The following AGO1 variants were observed in gnomAD, a reference collection of about 807,000 sequenced individuals.
AGO1 encodes argonaute RISC component 1.
In AGO1, 11 loss-of-function variants were observed where a neutral mutation model predicts 109.2. The ratio of observed to expected loss-of-function variants is 0.10; its 90% CI spans 0.06 to 0.17. AGO1 has a LOEUF of 0.17. AGO1 is among the 10% of genes least tolerant of loss of function. The pLI is 1.00. For missense variants in AGO1, 574 were observed against 1,140.3 expected (o/e 0.50, Z 7.15); for synonymous variants, 422 against 418.6 (o/e 1.01, Z -0.10).
intron 8 of AGO1, among the ~76,000 whole-genome samples, chr1:35,897,479 A>G (rs896839978): frequency 1.3e-5 from 2 of 152,218 alleles, no homozygotes; most frequent in Non-Finnish European, 2.9e-5. Flanking sequence ...CAGAGGGTCA[A>G]ATAATATAGC....
At chr1:35,902,162 T>C (rs200672514) in intron 10 of AGO1, 42 bp from the exon 11 acceptor site, 176 of 1,599,884 alleles carry the variant, frequency 1.1e-4, no homozygotes, top group Non-Finnish European at 1.4e-4. Flanking sequence ...CCCACCTGAC[T>C]CTACTGAGGC....
rs953916295 is a variant in AGO1 at position 35,919,729 on chromosome 1, T to C, written c.*122T>C. The C allele has an allele frequency of 5.9e-6, 5 of 848,216 alleles. No homozygotes were observed. Among genetic ancestry groups the C allele is most frequent in the Admixed American group, 2.6e-5 (1 of 39,074 alleles). 52.5% of individuals were successfully genotyped at this position (848,216 alleles called of 1,614,324 possible). ...GGGTAGGGAGGAGTGTAGGATGCCT[T>C]GTTTCCTTCTATAGAGGTGGTGTAA... On this transcript the variant is annotated 3_prime_UTR_variant, in exon 19 of 19. Transcript: ENST00000373204. The surrounding 1 kb of genome is among the most constrained non-coding windows in gnomAD (Gnocchi z 6.6).
intron 1 of AGO1, among the ~76,000 whole-genome samples, chr1:35,887,574 T>G (rs1204155159): frequency 1.3e-5 from 2 of 152,190 alleles, no homozygotes; most frequent in Non-Finnish European, 2.9e-5. Flanking sequence ...GAGAATCTTG[T>G]GTTCTTCCCA....
In AGO1 at chr1:35,919,966, T is replaced by A. The variant is rs1343689135; in HGVS notation, c.*359T>A. 5.0e-6 allele frequency: 1 copy of A among 198,176 alleles called. No homozygotes were observed. The highest frequency in any genetic ancestry group is 1.0e-5 in the Non-Finnish European group (1 of 97,156). The allele number at this position is 198,176 out of a possible 1,614,324, so 12.3% of individuals were successfully genotyped here. A position where few individuals can be genotyped will look rare whatever the true frequency, so the allele number is the denominator to read the frequency against. On this transcript the variant is annotated 3_prime_UTR_variant, in exon 19 of 19. Coordinates refer to ENST00000373204, the MANE Select transcript of AGO1 (RefSeq NM_012199.5). The surrounding 1 kb of genome is among the most constrained non-coding windows in gnomAD (Gnocchi z 6.6). ...TGACAGCTTGGTAAGGTCAACTCTG[T>A]AGCCCTGCAGACAAAAGCTGGTTAG... is the stretch of plus-strand genomic sequence containing the variant.
chr1:35,881,197 A>G (rs1475131237), upstream of AGO1, among the ~76,000 whole-genome samples: 1 of 152,244 alleles, frequency 6.6e-6, no homozygotes. Context: ...CATAGTCCCC[A>G]GATCGGCAGC....
In AGO1 at chr1:35,919,170, C is replaced by G; in HGVS notation, c.2381C>G (p.Ser794Cys). 1 of 1,614,202 alleles carries G rather than the reference C, an allele frequency of 6.2e-7. No individual in the cohort carries two copies. Among genetic ancestry groups the G allele is most frequent in the Non-Finnish European group, 8.5e-7 (1 of 1,180,036 alleles). Reference protein sequence around the residue: ...LCHTYVRCTRSVSIPAPAYYA... With the variant: ...LCHTYVRCTRCVSIPAPAYYA... The stretch of plus-strand genomic sequence containing the variant: ...CACACTTACGTACGATGCACACGCT[C>G]TGTCTCTATCCCAGCACCTGCCTAC... The change falls in exon 18 of 19, where the codon TCT becomes TGT. Residue 794 changes from serine to cysteine, a missense_variant. By Grantham distance (112) the Ser-to-Cys change is moderately radical. Coordinates refer to ENST00000373204, the MANE Select transcript of AGO1 (RefSeq NM_012199.5). The surrounding 1 kb of genome is among the most constrained non-coding windows in gnomAD (Gnocchi z 6.6).
At position 35,893,625 on chromosome 1, in the gene AGO1, G is replaced by A. The variant is rs760897206; in HGVS notation, c.513-49G>A. On this transcript the variant is annotated intron_variant, in intron 4 of 18. Coordinates refer to ENST00000373204, the MANE Select transcript of AGO1 (RefSeq NM_012199.5). The surrounding 1 kb of genome is among the most constrained non-coding windows in gnomAD (Gnocchi z 5.6). Reference sequence around the variant, plus strand: ...TCCTCCGTGCCCAGGATGCCTCACAGGGTGGGGGCCTGTGCCCGAGGGACC... The same window carrying A: ...TCCTCCGTGCCCAGGATGCCTCACAAGGTGGGGGCCTGTGCCCGAGGGACC... The A allele has an allele frequency of 1.9e-6, 3 of 1,561,158 alleles. No homozygotes were observed. In the Admixed American group the frequency reaches 5.4e-5, roughly 28 times the overall value.
chr1:35,901,698 T>C lies in AGO1; in HGVS notation c.1140+105T>C. ...TCAGGAGAACCCAAGTCTAGATTTGTTGCCTAGGACTGTATAAGGCTGCTT... is the reference window on the plus strand; with the variant it reads ...TCAGGAGAACCCAAGTCTAGATTTGCTGCCTAGGACTGTATAAGGCTGCTT... On this transcript the variant is annotated intron_variant, in intron 9 of 18. Transcript: ENST00000373204. This position sits in a 1 kb window ranked among gnomAD's most constrained non-coding sequence, Gnocchi z 4.8. The C allele has an allele frequency of 6.4e-7, 1 of 1,569,598 alleles. No homozygotes were observed. Among genetic ancestry groups the C allele is most frequent in the East Asian group, 2.2e-5 (1 of 44,592 alleles).
At position 35,928,484 on chromosome 1, in the gene AGO1, A is replaced by G. The variant is rs1043862956; in HGVS notation, c.*8877A>G. The G allele has an allele frequency of 2.0e-5, 3 of 152,104 alleles. No individual in the cohort carries two copies. The highest frequency in any genetic ancestry group is 7.2e-5 in the African/African-American group (3 of 41,382). The allele number at this position is 152,104 out of a possible 1,614,324, so 9.4% of individuals were successfully genotyped here. ...ATTTTTTTTGTAGCAGTTCGGTCTC[A>G]TTAGTATTGCCCAGGCTGGCCTCTC... is the stretch of plus-strand genomic sequence containing the variant. On this transcript the variant is annotated 3_prime_UTR_variant, in exon 19 of 19. Transcript: ENST00000373204.
chr1:35,905,748 G>A (rs1257993362), intron 11 of AGO1, among the ~76,000 whole-genome samples: 1 of 152,128 alleles, frequency 6.6e-6, no homozygotes, highest in Non-Finnish European at 1.5e-5. Context: ...TGAGATTACA[G>A]GTGTGAGCCA....
chr1:35,870,081 C>G (rs938792576), intron 1 of AGO1, among the ~76,000 whole-genome samples: 3 of 151,286 alleles, frequency 2.0e-5, no homozygotes, highest in African/African-American at 7.3e-5. Flanking sequence ...TCTCTTAAAC[C>G]GTGAACTCTA....
intron 1 of AGO1, among the ~76,000 whole-genome samples, chr1:35,876,624 G>C (rs1644995325): frequency 6.6e-6 from 1 of 152,102 alleles, no homozygotes; most frequent in Non-Finnish European, 1.5e-5. Context: ...ATTGACTCTG[G>C]TGAAAGTGCT....
intron 8 of AGO1, among the ~76,000 whole-genome samples, chr1:35,898,229 G>A (rs777571851): frequency 2.6e-5 from 4 of 151,930 alleles, no homozygotes; most frequent in Non-Finnish European, 4.4e-5. Flanking sequence ...ATACACCTAA[G>A]AGTGATATAA....
intron 11 of AGO1, 73 bp from the exon 12 acceptor site, chr1:35,906,862 A>G: frequency 7.1e-7 from 1 of 1,407,118 alleles, no homozygotes; most frequent in Non-Finnish European, 9.8e-7. Context: ...CTAAGCACCT[A>G]AGATGGATGG....
At position 35,888,446 on chromosome 1, in the gene AGO1, C is replaced by T. The variant is rs1645155750; in HGVS notation, c.45C>T (p.Pro15=). ...TTGTAGCTGCGGGCGCTTACCTGCC[C>T]CCCCTGCAGCAGGTGTTCCAGGCAC... ...PSGAAAGAYL[P]PLQQVFQAPR... is the part of the protein sequence containing the mutation. Residue 15 remains proline (P), a synonymous_variant, in exon 2 of 19, where the codon CCC becomes CCT. Coordinates refer to ENST00000373204, the MANE Select transcript of AGO1 (RefSeq NM_012199.5). The surrounding 1 kb of genome is among the most constrained non-coding windows in gnomAD (Gnocchi z 4.1). 6.2e-7 allele frequency: 1 copy of T among 1,614,112 alleles called. No individual in the cohort carries two copies. The highest frequency in any genetic ancestry group is 8.5e-7 in the Non-Finnish European group (1 of 1,179,984).
intron 7 of AGO1, 104 bp from the exon 8 acceptor site, chr1:35,895,018 C>T (rs1228610365): frequency 4.3e-6 from 6 of 1,392,596 alleles, no homozygotes; most frequent in Non-Finnish European, 5.8e-6. Context: ...ATATTGGGGC[C>T]AAATGAAAAA....
intron 13 of AGO1, 24 bp downstream of exon 13, chr1:35,914,025 C>T (rs773898191): frequency 6.2e-7 from 1 of 1,613,336 alleles, no homozygotes. Context: ...TGTCCACTTG[C>T]CCTTGTCAAG....
intron 12 of AGO1, among the ~76,000 whole-genome samples, chr1:35,912,566 A>G (rs547413939): frequency 6.6e-6 from 1 of 151,696 alleles, no homozygotes; most frequent in South Asian, 2.1e-4. Context: ...TTTTTATTTT[A>G]TTTTATTTTT....
intron 1 of AGO1, chr1:35,873,809 A>G (rs1218662621): frequency 6.6e-6 from 1 of 152,294 alleles, no homozygotes; most frequent in East Asian, 1.9e-4. Flanking sequence ...GTGCTCTCCA[A>G]ATATCCCTCC....
Sources: allele counts gnomAD v4.1 joint callset (sites outside exome capture counted in the v4.1 genomes callset), GRCh38; gene constraint gnomAD v4.1.1; non-coding constraint Gnocchi (gnomAD v3.1); transcripts MANE v1.5; gene names NCBI Gene and HGNC (gene_info 2026-07-23, HGNC 2026-07-21).